ZNF469: variants seen among roughly 807,000 people sequenced by gnomAD.
ZNF469 encodes zinc finger protein 469.
Under a neutral mutation model 1.0 loss-of-function variants are expected in ZNF469, and 1 was observed. That is an observed-to-expected ratio of 1.00 (90% CI 0.35 to 4.73). The LOEUF is 4.73. Ranked by LOEUF, ZNF469 falls within the 30% of genes most tolerant of loss-of-function variation. The pLI, the probability that ZNF469 is intolerant of heterozygous loss-of-function variation, is 0.16. For missense variants in ZNF469, 6,100 were observed against 5,356.3 expected (o/e 1.14, Z -4.33); for synonymous variants, 2,703 against 2,363.4 (o/e 1.14, Z -4.17).
chr16:88,297,493 C>G, the ZNF469 span, among the ~76,000 whole-genome samples: 2 of 152,216 alleles, frequency 1.3e-5, no homozygotes, highest in Non-Finnish European at 2.9e-5. Context: ...TCCGGCCTGC[C>G]TCACTGCCGC....
chr16:88,120,039 G>T, the ZNF469 span, among the ~76,000 whole-genome samples: 1 of 152,196 alleles, frequency 6.6e-6, no homozygotes. Context: ...ACACAACCAA[G>T]GGGCCCCCAA....
the ZNF469 span, among the ~76,000 whole-genome samples, chr16:88,367,136 G>A: frequency 3.3e-5 from 5 of 152,168 alleles, no homozygotes; most frequent in African/African-American, 1.2e-4. Flanking sequence ...TGATTCCTCT[G>A]GGTACTCAGC....
At chr16:88,130,472 G>A in the ZNF469 span, among the ~76,000 whole-genome samples, 4 of 152,088 alleles carry the variant, frequency 2.6e-5, no homozygotes, top group Non-Finnish European at 2.9e-5. Flanking sequence ...AGTGGAGGCC[G>A]AGGCGGGCGG....
intron 1 of ZNF469, among the ~76,000 whole-genome samples, chr16:88,384,582 G>A (rs941239376): frequency 3.3e-5 from 5 of 152,162 alleles, no homozygotes; most frequent in African/African-American, 1.2e-4. Flanking sequence ...AGAGCTCACC[G>A]GGAGGTGATC....
At chr16:88,137,533 A>AT in the ZNF469 span, among the ~76,000 whole-genome samples, 1 of 148,252 alleles carries the variant, frequency 6.7e-6, no homozygotes, top group South Asian at 2.1e-4. Flanking sequence ...ATGCAACCAC[A>AT]TGTGTCAGCT....
chr16:88,230,955 G>T, the ZNF469 span, among the ~76,000 whole-genome samples: 1 of 152,254 alleles, frequency 6.6e-6, no homozygotes, highest in Admixed American at 6.5e-5. Flanking sequence ...AGCCTTTGGT[G>T]TAGGCTCTGG....
chr16:88,103,186 C>T, the ZNF469 span, among the ~76,000 whole-genome samples: 16 of 151,912 alleles, frequency 1.1e-4, no homozygotes, highest in Middle Eastern at 6.8e-3. Context: ...CAGATGGTGT[C>T]GGTGGCTTTT....
At chr16:88,371,590 G>C in the ZNF469 span, among the ~76,000 whole-genome samples, 1 of 152,176 alleles carries the variant, frequency 6.6e-6, no homozygotes, top group South Asian at 2.1e-4. Flanking sequence ...CAGCCAGAAA[G>C]TCATGCTATG....
At chr16:88,187,815 C>G in the ZNF469 span, among the ~76,000 whole-genome samples, 1 of 150,328 alleles carries the variant, frequency 6.7e-6, no homozygotes, top group African/African-American at 2.5e-5. Flanking sequence ...GCCAATGTAA[C>G]GAGTCTCAAC....
rs1905768377 is a variant in ZNF469, at chr16:88,427,528, C to G, written c.58C>G (p.Pro20Ala). ...PPPTMTGDLQ[P>A]RQVASSPGHP... is the part of the protein sequence containing the mutation. ...CCCCACCATGACTGGAGACCTGCAGCCCCGCCAAGTTGCCAGCAGCCCGGG... is the reference window on the plus strand; with the variant it reads ...CCCCACCATGACTGGAGACCTGCAGGCCCGCCAAGTTGCCAGCAGCCCGGG... Residue 20 changes from proline to alanine, a missense_variant, in exon 3 of 3, where the codon CCC becomes GCC. Pro to Ala is a conservative substitution (Grantham distance 27, BLOSUM62 -1). Coordinates refer to ENST00000565624, the MANE Select transcript of ZNF469 (RefSeq NM_001367624.2). 1 of 1,535,222 alleles carries G rather than the reference C, an allele frequency of 6.5e-7. No individual in the cohort carries two copies. Among genetic ancestry groups the G allele is most frequent in the Non-Finnish European group, 8.7e-7 (1 of 1,145,374 alleles).
chr16:88,335,123 G>A, the ZNF469 span, among the ~76,000 whole-genome samples: 1,145 of 152,332 alleles, frequency 7.5e-3, 6 homozygotes, highest in Non-Finnish European at 9.7e-3. Flanking sequence ...CTTGATCTGG[G>A]ACTCGCAGTC....
At chr16:88,282,443 C>T in the ZNF469 span, among the ~76,000 whole-genome samples, 4 of 152,090 alleles carry the variant, frequency 2.6e-5, no homozygotes, top group Non-Finnish European at 4.4e-5. Flanking sequence ...CAATCATGCC[C>T]GCAGTGCCTG....
chr16:88,280,936 A>G, the ZNF469 span, among the ~76,000 whole-genome samples: 1 of 151,398 alleles, frequency 6.6e-6, no homozygotes, highest in South Asian at 2.1e-4. Context: ...TGCTATGCTG[A>G]TGCTTGGTCA....
the ZNF469 span, among the ~76,000 whole-genome samples, chr16:88,258,770 T>G: frequency 6.6e-6 from 1 of 152,226 alleles, no homozygotes; most frequent in African/African-American, 2.4e-5. Flanking sequence ...CCCAGCCTCA[T>G]GGAACTTGCG....
the ZNF469 span, among the ~76,000 whole-genome samples, chr16:88,155,485 C>G: frequency 6.6e-6 from 1 of 152,216 alleles, no homozygotes; most frequent in African/African-American, 2.4e-5. Context: ...CATCCCCCAG[C>G]CTCTGGCAAC....
chr16:88,132,325 G>A, the ZNF469 span, among the ~76,000 whole-genome samples: 3,514 of 151,920 alleles, frequency 0.023, no homozygotes, highest in African/African-American at 0.081. Flanking sequence ...CCTGGCCTTC[G>A]GCTCCCCGCG....
chr16:88,401,518 G>A (rs73251741), intron 1 of ZNF469, among the ~76,000 whole-genome samples: 16,686 of 49,340 alleles, frequency 0.34, 4,647 homozygotes, highest in African/African-American at 0.57. Context: ...TGGGTGAGTG[G>A]ATGGATGGAT....
At chr16:88,368,308 C>T in the ZNF469 span, among the ~76,000 whole-genome samples, 2 of 152,220 alleles carry the variant, frequency 1.3e-5, no homozygotes, top group South Asian at 4.1e-4. Flanking sequence ...GGACAGGGTA[C>T]AGGTGACCTG....
At chr16:88,268,142 C>T in the ZNF469 span, among the ~76,000 whole-genome samples, 2 of 152,176 alleles carry the variant, frequency 1.3e-5, no homozygotes, top group Admixed American at 6.5e-5. Flanking sequence ...CTATTCAAGT[C>T]TTTTCCCTAT....
Sources: gnomAD v4.1 joint callset for allele counts (sites outside exome capture counted in the v4.1 genomes callset) on GRCh38, gnomAD v4.1.1 for gene constraint, MANE v1.5 for transcripts, NCBI Gene and HGNC (gene_info 2026-07-23, HGNC 2026-07-21) for gene names.